The following CASR variants were observed in gnomAD, a reference collection of about 807,000 sequenced individuals.
CASR encodes calcium sensing receptor.
Under a neutral mutation model 69.1 loss-of-function variants are expected in CASR, and 23 were observed. The observed-to-expected ratio is 0.33, with a 90% confidence interval of 0.24 to 0.47. The LOEUF is 0.47. CASR is among the 20% of genes least tolerant of loss of function. The probability of loss-of-function intolerance (pLI) is 1.00; values close to 1 mark genes in which losing one functional copy is unlikely to be tolerated. For synonymous variants in CASR, 541 were observed against 544.7 expected (o/e 0.99, Z 0.10); for missense variants, 924 against 1,356.1 (o/e 0.68, Z 5.00).
chr3:122,225,281 A>G (rs1403505604), intron 1 of CASR, among the ~76,000 whole-genome samples: 1 of 152,090 alleles, frequency 6.6e-6, no homozygotes, highest in African/African-American at 2.4e-5. Flanking sequence ...GAGTAAACAG[A>G]CAACCTACAG....
chr3:122,187,701 A>G (rs1340249533), intron 1 of CASR, among the ~76,000 whole-genome samples: 1 of 152,216 alleles, frequency 6.6e-6, no homozygotes, highest in Non-Finnish European at 1.5e-5. Flanking sequence ...GGTAGACAAA[A>G]GAAGAAGGTA....
intron 4 of CASR, among the ~76,000 whole-genome samples, chr3:122,271,732 C>T (rs2074759769): frequency 6.6e-6 from 1 of 152,148 alleles, no homozygotes; most frequent in African/African-American, 2.4e-5. Flanking sequence ...AAAAAGCAAC[C>T]TCATATCCTC....
intron 1 of CASR, among the ~76,000 whole-genome samples, chr3:122,201,196 A>C (rs2073947293): frequency 6.6e-6 from 1 of 151,942 alleles, no homozygotes; most frequent in East Asian, 1.9e-4. Context: ...GGGAGTGGTG[A>C]CGACTCCCAA....
At chr3:122,202,899 T>TA in intron 1 of CASR, among the ~76,000 whole-genome samples, 1 of 152,344 alleles carries the variant, frequency 6.6e-6, no homozygotes, top group East Asian at 1.9e-4. Context: ...TCAATACTGT[T>TA]ATAGAATAGT....
intron 5 of CASR, among the ~76,000 whole-genome samples, chr3:122,280,784 T>C (rs907192487): frequency 6.6e-5 from 10 of 152,220 alleles, no homozygotes; most frequent in South Asian, 2.1e-4. Flanking sequence ...TAAGACATCT[T>C]ACAAAGTAGT....
Position 122,282,235 on chromosome 3 carries a change from A to C in CASR, c.1731A>C (p.Thr577=). The C allele has an allele frequency of 6.2e-7, 1 of 1,614,068 alleles. No individual in the cohort carries two copies. The highest frequency in any genetic ancestry group is 2.2e-5 in the East Asian group (1 of 44,878). The change falls in exon 6 of 7, where the codon ACA becomes ACC. Residue 577 remains threonine (T), a splice_region_variant and synonymous_variant. Coordinates refer to ENST00000639785, the MANE Select transcript of CASR (RefSeq NM_000388.4). ...CTGATGGGGAGTATAGTGATGAGACAGGTAAGGGAACCCCTCTTGGGCACT... is the reference window on the plus strand; with the variant it reads ...CTGATGGGGAGTATAGTGATGAGACCGGTAAGGGAACCCCTCTTGGGCACT... ...ECPDGEYSDE[T]DASACNKCPD...
intron 1 of CASR, among the ~76,000 whole-genome samples, chr3:122,252,326 G>A (rs1018582990): frequency 7.9e-6 from 1 of 126,128 alleles, no homozygotes; most frequent in African/African-American, 3.0e-5. Context: ...AAGAGAGAAA[G>A]AAAGAGAGAG....
At chr3:122,216,619 G>A (rs917389154) in intron 1 of CASR, among the ~76,000 whole-genome samples, 3 of 152,208 alleles carry the variant, frequency 2.0e-5, no homozygotes, top group East Asian at 1.9e-4. Flanking sequence ...ACAAACGAGA[G>A]TAATAACTAT....
chr3:122,270,380 CA>C (rs1358285945), intron 4 of CASR, among the ~76,000 whole-genome samples: 1 of 152,104 alleles, frequency 6.6e-6, no homozygotes, highest in East Asian at 1.9e-4. Context: ...TGTAAATATG[CA>C]TCTTCTCCCT....
At chr3:122,195,795 G>A (rs1026116775) in intron 1 of CASR, among the ~76,000 whole-genome samples, 12 of 152,154 alleles carry the variant, frequency 7.9e-5, no homozygotes, top group Non-Finnish European at 5.9e-5. Flanking sequence ...AGTCAAAAAT[G>A]TAGTTTATGG....
At chr3:122,194,105 CT>C (rs2073864868) in intron 1 of CASR, among the ~76,000 whole-genome samples, 2 of 152,120 alleles carry the variant, frequency 1.3e-5, no homozygotes. Flanking sequence ...GTCTACACGC[CT>C]TCTCATTCCT....
rs137927243 is a variant in CASR at position 122,249,615 on chromosome 3, A to AT, written c.-242-4333_-242-4332insT. On this transcript the variant is annotated intron_variant, in intron 1 of 6. Transcript: ENST00000639785. ...CTGATGTCAAGAACCTTCTAAACAT[A>AT]AAACCACCTGGTGCACGGATCATTT... is the stretch of plus-strand genomic sequence containing the variant. Among the ~76,000 whole-genome samples, 196 of 152,372 alleles carry AT rather than the reference A, an allele frequency of 1.3e-3. 1 individual carries two copies. The highest frequency in any genetic ancestry group is 4.7e-3 in the African/African-American group (194 of 41,586).
intron 1 of CASR, among the ~76,000 whole-genome samples, chr3:122,200,994 C>CTTTTTTTTTT (rs67815991): frequency 1.3e-3 from 107 of 81,540 alleles, no homozygotes; most frequent in Non-Finnish European, 1.6e-3. Context: ...CATTGCTTTT[C>CTTTTTTTTTT]TTTTTTTTTT....
At chr3:122,223,447 A>C (rs2074192544) in intron 1 of CASR, among the ~76,000 whole-genome samples, 1 of 152,184 alleles carries the variant, frequency 6.6e-6, no homozygotes, top group African/African-American at 2.4e-5. Flanking sequence ...TAGAAAACCT[A>C]GAAGAAATGG....
At chr3:122,212,153 CA>C (rs766791285) in intron 1 of CASR, among the ~76,000 whole-genome samples, 14 of 152,154 alleles carry the variant, frequency 9.2e-5, no homozygotes, top group Non-Finnish European at 1.8e-4. Context: ...GACATAGAAC[CA>C]ACCCAAATGC....
chr3:122,283,265 C>T (rs1007104667), intron 6 of CASR, among the ~76,000 whole-genome samples: 1 of 152,198 alleles, frequency 6.6e-6, no homozygotes, highest in African/African-American at 2.4e-5. Flanking sequence ...TGTTGTAAAC[C>T]TCAAATATTA....
chr3:122,210,053 A>G (rs1486496289), intron 1 of CASR, among the ~76,000 whole-genome samples: 2 of 152,080 alleles, frequency 1.3e-5, no homozygotes, highest in Admixed American at 1.3e-4. Context: ...CATGTTAAAA[A>G]CTCTCGATAA....
chr3:122,244,570 G>C (rs886648939), intron 1 of CASR, among the ~76,000 whole-genome samples: 3 of 152,136 alleles, frequency 2.0e-5, no homozygotes, highest in African/African-American at 7.2e-5. Flanking sequence ...TCCCATCTTT[G>C]ATGGTAGAAG....
At chr3:122,235,014 C>A (rs2074315880) in intron 1 of CASR, among the ~76,000 whole-genome samples, 1 of 152,140 alleles carries the variant, frequency 6.6e-6, no homozygotes, top group Non-Finnish European at 1.5e-5. Context: ...AAAGAAAGAG[C>A]CCCTGAAGAG....
Sources: gnomAD v4.1 joint callset for allele counts (sites outside exome capture counted in the v4.1 genomes callset) on GRCh38, gnomAD v4.1.1 for gene constraint, MANE v1.5 for transcripts, NCBI Gene and HGNC (gene_info 2026-07-23, HGNC 2026-07-21) for gene names.